Variants in BOLA3 observed in about 807,000 individuals in gnomAD.
BOLA3 encodes bolA family member 3.
A neutral mutation model predicts 14.5 loss-of-function variants in BOLA3; 8 were observed. That is an observed-to-expected ratio of 0.55 (90% CI 0.32 to 0.99). BOLA3 has a LOEUF of 0.99. BOLA3 is among the 50% of genes least tolerant of loss of function. BOLA3 has a pLI of 0.04. For missense variants in BOLA3, 115 were observed against 138.2 expected (o/e 0.83, Z 0.84); for synonymous variants, 42 against 45.7 (o/e 0.92, Z 0.33).
intron 3 of BOLA3, among the ~76,000 whole-genome samples, chr2:74,136,352 A>C (rs923501021): frequency 2.0e-5 from 3 of 152,224 alleles, no homozygotes; most frequent in Non-Finnish European, 2.9e-5. Context: ...AAATGGTTAA[A>C]ATTTCAAACA....
chr2:74,138,735 A>C (rs1389628517), intron 3 of BOLA3, among the ~76,000 whole-genome samples: 1 of 152,184 alleles, frequency 6.6e-6, no homozygotes, highest in Non-Finnish European at 1.5e-5. Context: ...GGGGAGGGCA[A>C]TCCCCTAAGC....
intron 2 of BOLA3, among the ~76,000 whole-genome samples, chr2:74,143,600 G>C (rs1280230516): frequency 1.3e-5 from 2 of 152,170 alleles, no homozygotes; most frequent in Non-Finnish European, 2.9e-5. Context: ...CCTGGGCCTG[G>C]GGCAAGTTCA....
chr2:74,142,291 T>C lies in BOLA3; in HGVS notation c.239A>G (p.Gln80Arg). The C allele has an allele frequency of 6.2e-7, 1 of 1,613,844 alleles. No individual in the cohort carries two copies. Among genetic ancestry groups the C allele is most frequent in the Non-Finnish European group, 8.5e-7 (1 of 1,179,794 alleles). ...EEFKEKRTVQ[Q>R]HQMVNQALKE... ...ACTGACCTGATTAACCATCTGGTGC[T>C]GCTGGACAGTTCTCTTCTCCTTAAA... is the stretch of plus-strand genomic sequence containing the variant. The change falls in exon 3 of 4, where the codon CAG (glutamine) becomes CGG (arginine). Residue 80 changes from glutamine (Q) to arginine (R), a missense_variant. Gln to Arg is a conservative substitution (Grantham distance 43). Coordinates refer to ENST00000327428, the MANE Select transcript of BOLA3 (RefSeq NM_212552.3).
chr2:74,144,650 G>A (rs1326607354), intron 2 of BOLA3, among the ~76,000 whole-genome samples: 2 of 152,334 alleles, frequency 1.3e-5, no homozygotes, highest in South Asian at 2.1e-4. Flanking sequence ...GAAGGACAGC[G>A]CTTGGCTGGG....
At chr2:74,138,063 C>G (rs138168934) in intron 3 of BOLA3, among the ~76,000 whole-genome samples, 1 of 152,330 alleles carries the variant, frequency 6.6e-6, no homozygotes, top group Non-Finnish European at 1.5e-5. Flanking sequence ...CTCCCCCTCC[C>G]TGATGCCTTC....
intron 1 of BOLA3, chr2:74,145,951 C>T (rs1453145872): frequency 1.3e-5 from 2 of 152,054 alleles, no homozygotes; most frequent in African/African-American, 2.4e-5. Context: ...GCAACAACAC[C>T]CCTTCCCCAA....
intron 3 of BOLA3, among the ~76,000 whole-genome samples, chr2:74,140,568 AGT>A (rs1453638926): frequency 6.6e-6 from 1 of 152,142 alleles, no homozygotes; most frequent in African/African-American, 2.4e-5. Flanking sequence ...CTACTCAGGA[AGT>A]GTGAGGAGAG....
At chr2:74,140,273 T>G (rs1343264548) in intron 3 of BOLA3, among the ~76,000 whole-genome samples, 3 of 152,088 alleles carry the variant, frequency 2.0e-5, no homozygotes, top group Non-Finnish European at 2.9e-5. Context: ...GACAGAGTGA[T>G]ACTCTGTGGG....
intron 1 of BOLA3, 103 bp downstream of exon 1, chr2:74,147,718 C>A: frequency 8.8e-7 from 1 of 1,137,768 alleles, no homozygotes; most frequent in Admixed American, 2.0e-5. Context: ...GTGCCGCGCG[C>A]GCCCTCCGGG....
At position 74,135,582 on chromosome 2, in the gene BOLA3, C is replaced by A; in HGVS notation, c.*11G>T. 1 of 1,614,020 alleles carries A rather than the reference C, an allele frequency of 6.2e-7. No homozygotes were observed. The highest frequency in any genetic ancestry group is 8.5e-7 in the Non-Finnish European group (1 of 1,179,932). ...GTCTTAAGCAGCAGCATCTATGCAG[C>A]CAGGGCGTGGTCAGCGTTTGGGGAC... On this transcript the variant is annotated 3_prime_UTR_variant, in exon 4 of 4. Coordinates refer to ENST00000327428, the MANE Select transcript of BOLA3 (RefSeq NM_212552.3).
intron 3 of BOLA3, 67 bp downstream of exon 3, chr2:74,142,205 T>A (rs577499734): frequency 8.4e-7 from 1 of 1,188,832 alleles, no homozygotes; most frequent in South Asian, 1.2e-5. Flanking sequence ...AAAACCACCA[T>A]CCCTGCTTGG....
intron 3 of BOLA3, 80 bp downstream of exon 3, chr2:74,142,192 G>T: frequency 9.3e-7 from 1 of 1,069,628 alleles, no homozygotes; most frequent in Non-Finnish European, 1.5e-6. Flanking sequence ...GCAACTGACG[G>T]CAAAAACCAC....
At chr2:74,137,658 C>A (rs532485617) in intron 3 of BOLA3, among the ~76,000 whole-genome samples, 3 of 152,138 alleles carry the variant, frequency 2.0e-5, no homozygotes, top group African/African-American at 7.2e-5. Flanking sequence ...AGGATATGAA[C>A]CCAGGTATCC....
chr2:74,141,776 A>G (rs1318624620), intron 3 of BOLA3, among the ~76,000 whole-genome samples: 2 of 152,194 alleles, frequency 1.3e-5, no homozygotes, highest in Non-Finnish European at 2.9e-5. Context: ...AAATTAAAAT[A>G]AATATGGATA....
At chr2:74,139,788 C>G (rs183151808) in intron 3 of BOLA3, among the ~76,000 whole-genome samples, 20 of 152,202 alleles carry the variant, frequency 1.3e-4, no homozygotes, top group African/African-American at 4.3e-4. Context: ...CATGACCCCC[C>G]CAAGTCCTGA....
chr2:74,138,879 T>C (rs1692385136), intron 3 of BOLA3, among the ~76,000 whole-genome samples: 1 of 152,194 alleles, frequency 6.6e-6, no homozygotes, highest in Non-Finnish European at 1.5e-5. Flanking sequence ...ATCTCACCTC[T>C]GTCCACCTCA....
intron 1 of BOLA3, 80 bp downstream of exon 1, chr2:74,147,741 A>G: frequency 2.1e-6 from 3 of 1,451,018 alleles, no homozygotes; most frequent in African/African-American, 1.4e-5. Context: ...CCAGTCCTCA[A>G]GCCCCGACAG....
intron 3 of BOLA3, among the ~76,000 whole-genome samples, chr2:74,136,083 GGGACT>G (rs1692321617): frequency 6.6e-6 from 1 of 152,026 alleles, no homozygotes. Context: ...CCTAGTAGCT[GGGACT>G]ACAGGCACAT....
At position 74,147,890 on chromosome 2, in the gene BOLA3, C is replaced by G. The variant is rs1318350235; in HGVS notation, c.-16G>C. The stretch of plus-strand genomic sequence containing the variant: ...ATGCAGCCATGCCCGGCCGACGTGA[C>G]CCGCCGCCCGAGGTCACTGTATGCC... On this transcript the variant is annotated 5_prime_UTR_variant, in exon 1 of 4. Transcript: ENST00000327428. The G allele has an allele frequency of 6.6e-7, 1 of 1,513,428 alleles. No individual in the cohort carries two copies. Among genetic ancestry groups the G allele is most frequent in the Non-Finnish European group, 8.8e-7 (1 of 1,138,410 alleles). The allele number at this position is 1,513,428 out of a possible 1,614,324, so 93.7% of individuals were successfully genotyped here.
Sources: allele counts gnomAD v4.1 joint callset (sites outside exome capture counted in the v4.1 genomes callset), GRCh38; gene constraint gnomAD v4.1.1; transcripts MANE v1.5; gene names NCBI Gene and HGNC (gene_info 2026-07-23, HGNC 2026-07-21).